RBFOX1: variants seen among roughly 807,000 people sequenced by gnomAD.
RBFOX1 encodes RNA binding protein fox-1 homolog 1.
RBFOX1 carries 8 observed loss-of-function variants against 57.7 expected under a neutral mutation model. That is an observed-to-expected ratio of 0.14 (90% CI 0.08 to 0.25). The LOEUF (loss-of-function observed/expected upper bound fraction) is 0.25. RBFOX1 is among the 10% of genes least tolerant of loss of function. The pLI is 1.00. For missense variants in RBFOX1, 611 were observed against 548.5 expected (o/e 1.11, Z -1.14); for synonymous variants, 326 against 222.4 (o/e 1.47, Z -4.15).
intron 1 of RBFOX1, among the ~76,000 whole-genome samples, chr16:5,301,355 C>T (rs1053347559): frequency 6.6e-6 from 1 of 152,106 alleles, no homozygotes; most frequent in Non-Finnish European, 1.5e-5. Context: ...TGCGGTGGCT[C>T]ATGCCTGTAA....
intron 3 of RBFOX1, among the ~76,000 whole-genome samples, chr16:6,766,051 G>A (rs11644012): frequency 0.28 from 43,216 of 151,826 alleles, 7,487 homozygotes; most frequent in Middle Eastern, 0.43. Context: ...GGTGGCAGGT[G>A]CACTAAAATC....
At chr16:6,957,818 C>T (rs1317697675) in intron 3 of RBFOX1, among the ~76,000 whole-genome samples, 1 of 152,132 alleles carries the variant, frequency 6.6e-6, no homozygotes, top group Non-Finnish European at 1.5e-5. Flanking sequence ...TCTCTTTTCA[C>T]ACAGCCTCTT....
intron 7 of RBFOX1, among the ~76,000 whole-genome samples, chr16:7,588,198 A>T (rs1487938102): frequency 2.0e-5 from 3 of 152,308 alleles, no homozygotes; most frequent in Non-Finnish European, 4.4e-5. Context: ...GCAAATAAAC[A>T]AAAGAAATAT....
intron 1 of RBFOX1, among the ~76,000 whole-genome samples, chr16:6,232,275 C>G (rs1206806162): frequency 6.6e-6 from 1 of 152,196 alleles, no homozygotes; most frequent in Non-Finnish European, 1.5e-5. Flanking sequence ...GACCTCATCT[C>G]TGCACCAGTG....
chr16:5,896,633 C>A (rs1052277028), intron 4 of RBFOX1, among the ~76,000 whole-genome samples: 1 of 152,124 alleles, frequency 6.6e-6, no homozygotes, highest in Admixed American at 6.5e-5. Context: ...TCAGGTATTC[C>A]TTTATGTTAT....
At chr16:5,718,669 G>T (rs1487627771) in intron 3 of RBFOX1, among the ~76,000 whole-genome samples, 2 of 152,184 alleles carry the variant, frequency 1.3e-5, no homozygotes, top group African/African-American at 2.4e-5. Context: ...AACTTTGGGA[G>T]GCCAAGGCAG....
intron 5 of RBFOX1, among the ~76,000 whole-genome samples, chr16:7,525,612 C>A (rs532078596): frequency 4.6e-5 from 7 of 152,134 alleles, no homozygotes; most frequent in South Asian, 2.1e-4. Context: ...CATGTCCCTG[C>A]GGACTCTGTG....
intron 4 of RBFOX1, among the ~76,000 whole-genome samples, chr16:7,381,578 T>G (rs952937448): frequency 3.3e-5 from 5 of 152,176 alleles, no homozygotes; most frequent in Admixed American, 6.5e-5. Context: ...AGGATTTGTT[T>G]TGGCATTGGT....
At chr16:7,543,351 T>A (rs78580864) in intron 5 of RBFOX1, among the ~76,000 whole-genome samples, 2 of 152,298 alleles carry the variant, frequency 1.3e-5, no homozygotes, top group African/African-American at 2.4e-5. Context: ...ATATTTGAGA[T>A]CTGATAGAAA....
intron 2 of RBFOX1, among the ~76,000 whole-genome samples, chr16:6,590,664 A>T (rs1213138653): frequency 6.6e-6 from 1 of 152,216 alleles, no homozygotes; most frequent in African/African-American, 2.4e-5. Flanking sequence ...CTGCATTCAG[A>T]GGATATTTAC....
intron 4 of RBFOX1, among the ~76,000 whole-genome samples, chr16:7,099,835 G>A (rs568016292): frequency 6.6e-6 from 1 of 152,280 alleles, no homozygotes; most frequent in South Asian, 2.1e-4. Flanking sequence ...AAAGGGTTAT[G>A]GAGACCTAGG....
At chr16:6,897,118 A>G (rs1443157406) in intron 3 of RBFOX1, among the ~76,000 whole-genome samples, 2 of 152,184 alleles carry the variant, frequency 1.3e-5, no homozygotes, top group African/African-American at 4.8e-5. Context: ...TTTGGCACAT[A>G]AGAAAACCAT....
At chr16:7,365,383 C>G (rs2146953442) in intron 4 of RBFOX1, among the ~76,000 whole-genome samples, 1 of 152,280 alleles carries the variant, frequency 6.6e-6, no homozygotes, top group East Asian at 1.9e-4. Context: ...ATCCACCAAA[C>G]CATAGCCATA....
chr16:7,046,974 C>G (rs1041817484), intron 3 of RBFOX1, among the ~76,000 whole-genome samples: 5 of 151,798 alleles, frequency 3.3e-5, no homozygotes, highest in East Asian at 1.9e-4. Context: ...TCCCTCCCCC[C>G]CAGTTTTTTG....
intron 2 of RBFOX1, among the ~76,000 whole-genome samples, chr16:6,378,724 C>T (rs761177553): frequency 7.2e-5 from 11 of 152,178 alleles, no homozygotes; most frequent in Non-Finnish European, 1.3e-4. Flanking sequence ...AAAGCATATG[C>T]CAACCCCCTC....
chr16:7,030,869 G>A lies in RBFOX1; in HGVS notation c.-15-21188G>A, dbSNP rs1374147825. On this transcript the variant is annotated intron_variant, in intron 3 of 15. Coordinates refer to ENST00000550418, the MANE Select transcript of RBFOX1 (RefSeq NM_018723.4). ...CACACATTTTTTCTTTTGTCTTAGGGGAGATAAGGATAGGGAAATGAATCC... is the reference window on the plus strand; with the variant it reads ...CACACATTTTTTCTTTTGTCTTAGGAGAGATAAGGATAGGGAAATGAATCC... 3.3e-5 allele frequency among the ~76,000 whole-genome samples: 5 copies of A among 152,164 alleles called. No homozygotes were observed. The South Asian group carries it at 6.2e-4, about 19-fold the overall frequency.
At chr16:7,471,827 G>T (rs902264202) in intron 4 of RBFOX1, among the ~76,000 whole-genome samples, 4 of 152,204 alleles carry the variant, frequency 2.6e-5, no homozygotes, top group African/African-American at 9.7e-5. Context: ...TCCAGGGCCT[G>T]ACCCACAGAT....
intron 4 of RBFOX1, among the ~76,000 whole-genome samples, chr16:7,460,700 G>T (rs895940322): frequency 1.3e-4 from 19 of 151,462 alleles, no homozygotes; most frequent in African/African-American, 4.4e-4. Flanking sequence ...TCCTGCACAT[G>T]TACCCTTGAA....
intron 2 of RBFOX1, among the ~76,000 whole-genome samples, chr16:6,633,775 G>C (rs1263590134): frequency 6.6e-6 from 1 of 152,146 alleles, no homozygotes; most frequent in East Asian, 1.9e-4. Context: ...TTGGGAGGCT[G>C]AGGCAGGAAG....
Sources: allele counts gnomAD v4.1 joint callset (sites outside exome capture counted in the v4.1 genomes callset), GRCh38; gene constraint gnomAD v4.1.1; transcripts MANE v1.5; gene names NCBI Gene and HGNC (gene_info 2026-07-23, HGNC 2026-07-21).